Variants in NIPA1 observed in about 807,000 individuals in gnomAD.
NIPA1 encodes magnesium transporter NIPA1.
NIPA1 carries 13 observed loss-of-function variants against 23.9 expected under a neutral mutation model. The observed-to-expected ratio is 0.54, with a 90% CI of 0.35 to 0.87. The LOEUF is 0.87. Ranked by LOEUF, NIPA1 falls within the 40% of genes least tolerant of loss-of-function variation. NIPA1 has a pLI of 0.01. For missense variants in NIPA1, 362 were observed against 429.7 expected (o/e 0.84, Z 1.39); for synonymous variants, 234 against 202.9 (o/e 1.15, Z -1.30).
rs1256474179 is a variant in NIPA1, at chr15:22,824,036, A to G, written c.787A>G (p.Ile263Val). The change falls in exon 5 of 5, where the codon ATC becomes GTC. Residue 263 changes from isoleucine to valine, a missense_variant. This residue lies in a region of NIPA1 where 277 missense variants were observed against 372.0 expected (regional missense o/e 0.74). Transcript: ENST00000337435. This position sits in a 1 kb window ranked among gnomAD's most constrained non-coding sequence, Gnocchi z 4.1. ...CTTCGACTCCTCGGTGTTCGGGGCCATCTACTACGTCGTGTTTACCACGCT... is the reference window on the plus strand; with the variant it reads ...CTTCGACTCCTCGGTGTTCGGGGCCGTCTACTACGTCGTGTTTACCACGCT... ...ECFDSSVFGA[I>V]YYVVFTTLVL... 4 of 1,614,124 alleles carry G rather than the reference A, an allele frequency of 2.5e-6. No homozygotes were observed. The highest frequency in any genetic ancestry group is 1.7e-5 in the Admixed American group (1 of 60,028).
Position 22,823,771 on chromosome 15 carries a change from G to A in NIPA1, c.522G>A (p.Leu174=). 6.2e-7 allele frequency: 1 copy of A among 1,613,018 alleles called. No individual in the cohort carries two copies. The change falls in exon 5 of 5, where the codon CTG becomes CTA. Residue 174 remains leucine (L), a synonymous_variant. Coordinates refer to ENST00000337435, the MANE Select transcript of NIPA1 (RefSeq NM_144599.5). ...YLCIVLLMLL[L]LIFWIAPAHG... ...GCATCGTGCTGCTCATGCTGCTGCT[G>A]CTCATCTTCTGGATCGCGCCGGCCC...
chr15:22,790,102 A>G (rs1490787413), intron 1 of NIPA1, among the ~76,000 whole-genome samples: 1 of 151,764 alleles, frequency 6.6e-6, no homozygotes, highest in Non-Finnish European at 1.5e-5. Flanking sequence ...TCAAAAGTTT[A>G]TTTAAAAGCT....
At chr15:22,794,446 T>A (rs530503259) in intron 1 of NIPA1, among the ~76,000 whole-genome samples, 2 of 152,246 alleles carry the variant, frequency 1.3e-5, no homozygotes, top group Admixed American at 6.5e-5. Flanking sequence ...CACAGCAATG[T>A]CAGTGTACTT....
chr15:22,787,668 T>C (rs1894739210), intron 1 of NIPA1, among the ~76,000 whole-genome samples: 1 of 152,188 alleles, frequency 6.6e-6, no homozygotes, highest in Admixed American at 6.5e-5. Flanking sequence ...AACAGTCCGT[T>C]TCCATTGCTT....
rs1361753522 is a variant in NIPA1, at chr15:22,786,664, C to T, written c.8C>T (p.Thr3Ile). Residue 3 changes from threonine (T) to isoleucine (I), a missense_variant, in exon 1 of 5, where the codon ACT becomes ATT. By Grantham distance (89) the Thr-to-Ile change is moderately conservative. Coordinates refer to ENST00000337435, the MANE Select transcript of NIPA1 (RefSeq NM_144599.5). Reference protein sequence around the residue: MGTAAAAAAAAAA... With the variant: MGIAAAAAAAAAA... ...AGGGCGGGCGCGGGCGGAATGGGGA[C>T]TGCAGCTGCGGCAGCGGCGGCGGCG... 1.5e-4 allele frequency: 158 copies of T among 1,072,406 alleles called. No homozygotes were observed. The East Asian group carries it at 0.011, about 77-fold the overall frequency. 66.4% of individuals were successfully genotyped at this position (1,072,406 alleles called of 1,614,324 possible). A position where few individuals can be genotyped will look rare whatever the true frequency, so the allele number is the denominator to read the frequency against.
At chr15:22,800,920 G>T (rs767368659) in intron 1 of NIPA1, among the ~76,000 whole-genome samples, 4 of 138,290 alleles carry the variant, frequency 2.9e-5, no homozygotes, top group Non-Finnish European at 6.1e-5. Context: ...GACAGTGCGA[G>T]ACTCCGTCTC....
At chr15:22,815,814 G>A (rs1393063289) in intron 3 of NIPA1, among the ~76,000 whole-genome samples, 2 of 152,122 alleles carry the variant, frequency 1.3e-5, no homozygotes, top group Non-Finnish European at 2.9e-5. Flanking sequence ...ATAAATTAGT[G>A]TAATATACCA....
rs904289036 is a variant in NIPA1, at chr15:22,827,071, A to T, written c.*2832A>T. ...CTCTTAGTGGTCTTTCCAAAAGTAC[A>T]TGTACTTGAAATATTTTCATTATCA... On this transcript the variant is annotated 3_prime_UTR_variant, in exon 5 of 5. Transcript: ENST00000337435. The T allele has an allele frequency of 6.6e-6, 1 of 152,158 alleles. No individual in the cohort carries two copies. The highest frequency in any genetic ancestry group is 1.5e-5 in the Non-Finnish European group (1 of 68,026). 9.4% of individuals were successfully genotyped at this position (152,158 alleles called of 1,614,324 possible).
chr15:22,808,469 G>A (rs987250728), intron 1 of NIPA1, among the ~76,000 whole-genome samples: 19 of 152,158 alleles, frequency 1.2e-4, no homozygotes, highest in African/African-American at 4.6e-4. Flanking sequence ...AGCCACAGCA[G>A]GCAGGTGGCA....
At chr15:22,806,338 C>T (rs1383186831) in intron 1 of NIPA1, among the ~76,000 whole-genome samples, 1 of 152,204 alleles carries the variant, frequency 6.6e-6, no homozygotes, top group Non-Finnish European at 1.5e-5. Context: ...CCTGGCAAGG[C>T]TCTTTTGTGT....
At chr15:22,815,095 T>C (rs1895390444) in intron 3 of NIPA1, among the ~76,000 whole-genome samples, 1 of 152,154 alleles carries the variant, frequency 6.6e-6, no homozygotes, top group Non-Finnish European at 1.5e-5. Context: ...GATGTGATTT[T>C]TTTTTCCTGT....
chr15:22,800,347 T>A (rs1895050281), intron 1 of NIPA1, among the ~76,000 whole-genome samples: 1 of 152,084 alleles, frequency 6.6e-6, no homozygotes, highest in Non-Finnish European at 1.5e-5. Context: ...ACCAGAAAAT[T>A]AAGAATAATT....
chr15:22,815,640 G>GA (rs1325540086), intron 3 of NIPA1, among the ~76,000 whole-genome samples: 1 of 113,712 alleles, frequency 8.8e-6, no homozygotes, highest in Non-Finnish European at 1.8e-5. Flanking sequence ...AAAAAACAAA[G>GA]AAAAGATAAA....
rs1163603849 is a variant in NIPA1 at position 22,793,357 on chromosome 15, CAAAAAAA to C, written c.178+6538_178+6544del. Among the ~76,000 whole-genome samples, 6 of 73,094 alleles carry C rather than the reference CAAAAAAA, an allele frequency of 8.2e-5. No homozygotes were observed. The South Asian group carries it at 2.3e-3, about 28-fold the overall frequency. 48.0% of individuals were successfully genotyped at this position (73,094 alleles called of 152,430 possible). On this transcript the variant is annotated intron_variant, in intron 1 of 4. Transcript: ENST00000337435. ...CAGGCTACGGAGTGAGACTGTGTCT[CAAAAAAA>C]AAAAAAAAAAAAAAGAGAATACATG...
rs7164822 is a variant in NIPA1 at position 22,809,493 on chromosome 15, C to G, written c.179-1256C>G. Among the ~76,000 whole-genome samples the G allele has an allele frequency of 1.9e-3, 287 of 152,038 alleles. 2 individuals are homozygous for G. Among genetic ancestry groups the G allele is most frequent in the African/African-American group, 6.1e-3 (254 of 41,488 alleles). ...GCCAGGCGTGCTGCACACCTGTAAT[C>G]CAGCAGTTTGGGAGTCTGAGGCAGG... On this transcript the variant is annotated intron_variant, in intron 1 of 4. Transcript: ENST00000337435.
intron 1 of NIPA1, among the ~76,000 whole-genome samples, chr15:22,792,958 A>G (rs1445427024): frequency 6.6e-6 from 1 of 152,080 alleles, no homozygotes; most frequent in Non-Finnish European, 1.5e-5. Context: ...TCCATCTAAA[A>G]AAAGAACAAA....
rs539765431 is a variant in NIPA1 at position 22,803,701 on chromosome 15, A to G, written c.179-7048A>G. ...TTTTTTTTTTTTTTTTTTTTTTGAG[A>G]CAGAGTCTTGCTCTGTCGCCCAGGC... is the stretch of plus-strand genomic sequence containing the variant. On this transcript the variant is annotated intron_variant, in intron 1 of 4. Coordinates refer to ENST00000337435, the MANE Select transcript of NIPA1 (RefSeq NM_144599.5). 2.0e-4 allele frequency among the ~76,000 whole-genome samples: 19 copies of G among 94,028 alleles called. 1 individual carries two copies. In the South Asian group the frequency reaches 5.0e-3, roughly 25 times the overall value. The allele number at this position is 94,028 out of a possible 152,430, so 61.7% of individuals were successfully genotyped here.
chr15:22,814,096 T>A, intron 3 of NIPA1: 1 of 1,281,440 alleles, frequency 7.8e-7, no homozygotes, highest in South Asian at 1.2e-5. Context: ...TTACTCACTG[T>A]AGGAACCATG....
At chr15:22,808,679 C>CTTAATATTCTTTTTTTTTTTTTTTTT (rs1295103631) in intron 1 of NIPA1, among the ~76,000 whole-genome samples, 2 of 128,338 alleles carry the variant, frequency 1.6e-5, no homozygotes, top group Non-Finnish European at 3.2e-5. Flanking sequence ...TAGCAATATT[C>CTTAATATTCTTTTTTTTTTTTTTTTT]TTTTTTTTGA....
Sources: allele counts gnomAD v4.1 joint callset (sites outside exome capture counted in the v4.1 genomes callset), GRCh38; gene constraint gnomAD v4.1.1; regional missense constraint gnomAD v4.1.1; non-coding constraint Gnocchi (gnomAD v3.1); transcripts MANE v1.5; gene names NCBI Gene and HGNC (gene_info 2026-07-23, HGNC 2026-07-21).